Variants in MAPK11 observed in about 807,000 individuals in gnomAD.
The protein encoded by MAPK11 is mitogen-activated protein kinase 11.
A neutral mutation model predicts 52.2 loss-of-function variants in MAPK11; 44 were observed. That is an observed-to-expected ratio of 0.84 (90% confidence interval 0.66 to 1.08). The LOEUF (loss-of-function observed/expected upper bound fraction) is 1.08, where lower values mean the gene tolerates loss of function less well. MAPK11 is among the 50% of genes least tolerant of loss of function. The pLI, the probability that MAPK11 is intolerant of heterozygous loss-of-function variation, is 0.00. For missense variants in MAPK11, 436 were observed against 494.7 expected, an observed-to-expected ratio of 0.88 and a Z score of 1.13; for synonymous variants, 233 against 206.3, an observed-to-expected ratio of 1.13 and a Z score of -1.11.
At position 50,270,062 on chromosome 22, in the gene MAPK11, G is replaced by A. The variant is rs2147273590; in HGVS notation, c.116+115C>T. On this transcript the variant is annotated intron_variant, in intron 1 of 11. Coordinates refer to ENST00000330651, the MANE Select transcript of MAPK11 (RefSeq NM_002751.7). This position sits in a 1 kb window ranked among gnomAD's most constrained non-coding sequence, Gnocchi z 6.3. ...TCCTCAGATCCGCTTGGCGCCCGGG[G>A]GCGGAGGCAGGGCGAGGCCCCTCCC... 2.5e-6 allele frequency: 1 copy of A among 393,732 alleles called. No individual in the cohort carries two copies. Among genetic ancestry groups the A allele is most frequent in the East Asian group, 4.1e-5 (1 of 24,362 alleles). The allele number at this position is 393,732 out of a possible 1,614,324, so 24.4% of individuals were successfully genotyped here. A position where few individuals can be genotyped will look rare whatever the true frequency, so the allele number is the denominator to read the frequency against.
Position 50,266,159 on chromosome 22 carries a change from C to T in MAPK11, c.762+67G>A, listed in dbSNP as rs2065260243. The T allele has an allele frequency of 5.3e-6, 7 of 1,323,762 alleles. 1 individual carries two copies. In the South Asian group the frequency reaches 8.1e-5, roughly 15 times the overall value. The allele number at this position is 1,323,762 out of a possible 1,614,324, so 82.0% of individuals were successfully genotyped here. On this transcript the variant is annotated intron_variant, in intron 9 of 11. Coordinates refer to ENST00000330651, the MANE Select transcript of MAPK11 (RefSeq NM_002751.7). ...ATGGTCCCCGCATTTCCACACCACCCTCTCCCCCAGAGAGCCTGGGGGCTC... is the reference window on the plus strand; with the variant it reads ...ATGGTCCCCGCATTTCCACACCACCTTCTCCCCCAGAGAGCCTGGGGGCTC...
Position 50,267,255 on chromosome 22 carries a change from A to G in MAPK11, c.447+2T>C. The G allele has an allele frequency of 6.2e-7, 1 of 1,606,464 alleles. No homozygotes were observed. Among genetic ancestry groups the G allele is most frequent in the South Asian group, 1.1e-5 (1 of 90,310 alleles). On this transcript the variant is annotated splice_donor_variant, in intron 5 of 11. Coordinates refer to ENST00000330651, the MANE Select transcript of MAPK11 (RefSeq NM_002751.7). LOFTEE classifies it high-confidence loss of function. The stretch of plus-strand genomic sequence containing the variant: ...CGACCCTCACCCTGCGGTCGCACCT[A>G]CCCGGTGGATGATCCCGGCCGAGTG...
chr22:50,265,667 G>A lies in MAPK11; in HGVS notation c.763-7C>T. 1 of 1,533,960 alleles carries A rather than the reference G, an allele frequency of 6.5e-7. No homozygotes were observed. The highest frequency in any genetic ancestry group is 8.8e-7 in the Non-Finnish European group (1 of 1,130,844). On this transcript the variant is annotated splice_region_variant and splice_polypyrimidine_tract_variant and intron_variant, in intron 9 of 11. Transcript: ENST00000330651. ...ACTGGATATATGTCCGGGCCTGGGG[G>A]CACACAAGAACACCTGGGGAGGCTG...
At chr22:50,267,524 C>G in intron 3 of MAPK11, 42 bp from the exon 4 acceptor site, 1 of 1,561,414 alleles carries the variant, frequency 6.4e-7, no homozygotes, top group Non-Finnish European at 8.7e-7. Flanking sequence ...CCCACCGCCC[C>G]ACCGCGAACG....
At chr22:50,268,974 A>G (rs2147272474) in intron 1 of MAPK11, among the ~76,000 whole-genome samples, 1 of 152,280 alleles carries the variant, frequency 6.6e-6, no homozygotes, top group East Asian at 1.9e-4. Context: ...CGGTCAGGTG[A>G]CAGGGAATTG....
rs2065245618 is a variant in MAPK11, at chr22:50,264,313, G to C, written c.*635C>G. On this transcript the variant is annotated 3_prime_UTR_variant, in exon 12 of 12. Coordinates refer to ENST00000330651, the MANE Select transcript of MAPK11 (RefSeq NM_002751.7). ...ATGTGCCCTGACATATGAACACGGG[G>C]AGTGCACGCTCATCCACACGTGCCC... The C allele has an allele frequency of 6.6e-6, 1 of 152,436 alleles. No homozygotes were observed. The highest frequency in any genetic ancestry group is 6.5e-5 in the Admixed American group (1 of 15,308). 9.4% of individuals were successfully genotyped at this position (152,436 alleles called of 1,614,324 possible). A position where few individuals can be genotyped will look rare whatever the true frequency, so the allele number is the denominator to read the frequency against.
intron 5 of MAPK11, 26 bp downstream of exon 5, chr22:50,267,231 G>A (rs9617129): frequency 1.9e-6 from 3 of 1,608,382 alleles, no homozygotes; most frequent in Admixed American, 1.7e-5. Context: ...TGCTGGACCC[G>A]ACCCTCACCC....
rs373129634 is a variant in MAPK11, at chr22:50,264,943, G to C, written c.*5C>G. The stretch of plus-strand genomic sequence containing the variant: ...ACAGGCTCTCAGGGGCTGCTGGGCA[G>C]CACCTCACTGCTCAATCTCCAGGCT... On this transcript the variant is annotated 3_prime_UTR_variant, in exon 12 of 12. Coordinates refer to ENST00000330651, the MANE Select transcript of MAPK11 (RefSeq NM_002751.7). 4.2e-5 allele frequency: 68 copies of C among 1,608,380 alleles called. No individual in the cohort carries two copies. The highest frequency in any genetic ancestry group is 5.6e-5 in the Non-Finnish European group (66 of 1,177,852).
chr22:50,265,140 G>GAA, intron 11 of MAPK11, 113 bp from the exon 12 acceptor site: 1 of 1,051,834 alleles, frequency 9.5e-7, no homozygotes, highest in East Asian at 2.6e-5. Context: ...AGCAGCCTCA[G>GAA]CACAGTCTGG....
chr22:50,265,630 TG>T lies in MAPK11; in HGVS notation c.792del (p.Met265CysfsTer6). On this transcript the variant is annotated frameshift_variant, in exon 10 of 12. Transcript: ENST00000330651. LOFTEE classifies it high-confidence loss of function. ...ATGCTGCTCAGGTCCTTCTGGGGCA[TG>T]GGGGGCAGGGACTGGATATATGTCC... ...HARTYIQSLP[P>X]MPQKDLSSIF... 1 of 1,601,468 alleles carries T rather than the reference TG, an allele frequency of 6.2e-7. No homozygotes were observed.
chr22:50,265,340 G>T lies in MAPK11; in HGVS notation c.996C>A (p.Arg332=). ...GCTCACCCTTCCACTCCTCCAGCGT[G>T]CGCTCCTTGGCCTCAACGCTCTCAT... ...PYDESVEAKE[R]TLEEWKELTY... The change falls in exon 11 of 12, where the codon CGC becomes CGA. Residue 332 remains arginine (R), a synonymous_variant. Coordinates refer to ENST00000330651, the MANE Select transcript of MAPK11 (RefSeq NM_002751.7). The T allele has an allele frequency of 6.2e-7, 1 of 1,613,222 alleles. No individual in the cohort carries two copies. The highest frequency in any genetic ancestry group is 8.5e-7 in the Non-Finnish European group (1 of 1,179,986).
At position 50,267,704 on chromosome 22, in the gene MAPK11, T is replaced by G. The variant is rs998240572; in HGVS notation, c.247-77A>C. 4.9e-6 allele frequency: 7 copies of G among 1,438,014 alleles called. No homozygotes were observed. In the South Asian group the frequency reaches 7.0e-5, roughly 14 times the overall value. The allele number at this position is 1,438,014 out of a possible 1,614,324, so 89.1% of individuals were successfully genotyped here. Reference sequence around the variant, plus strand: ...AGCTCCCCCCGGGCCACGCCCCCAGTGCCAGGCCGCGCCCCCTGTGTCCCC... The same window carrying G: ...AGCTCCCCCCGGGCCACGCCCCCAGGGCCAGGCCGCGCCCCCTGTGTCCCC... On this transcript the variant is annotated intron_variant, in intron 2 of 11. Transcript: ENST00000330651.
chr22:50,266,540 A>T lies in MAPK11; in HGVS notation c.682T>A (p.Tyr228Asn). 6.6e-7 allele frequency: 1 copy of T among 1,517,884 alleles called. No individual in the cohort carries two copies. The highest frequency in any genetic ancestry group is 8.8e-7 in the Non-Finnish European group (1 of 1,134,244). The allele number at this position is 1,517,884 out of a possible 1,614,324, so 94.0% of individuals were successfully genotyped here. Residue 228 changes from tyrosine to asparagine, a missense_variant and splice_region_variant, in exon 8 of 12, where the codon TAC becomes AAC. Coordinates refer to ENST00000330651, the MANE Select transcript of MAPK11 (RefSeq NM_002751.7). ...QGKALFPGSD[Y>N]IDQLKRIMEV... Reference sequence around the variant, plus strand: ...GCTCCCCAACCTGGGCCAAGGATACAGTCGCTTCCCGGGAAGAGGGCCTTG... The same window carrying T: ...GCTCCCCAACCTGGGCCAAGGATACTGTCGCTTCCCGGGAAGAGGGCCTTG...
In MAPK11 at chr22:50,270,284, G is replaced by A. The variant is rs2147273956; in HGVS notation, c.9C>T (p.Gly3=). 5 of 1,392,544 alleles carry A rather than the reference G, an allele frequency of 3.6e-6. No homozygotes were observed. The African/African-American group carries it at 6.0e-5, about 17-fold the overall frequency. The allele number at this position is 1,392,544 out of a possible 1,614,324, so 86.3% of individuals were successfully genotyped here. The change falls in exon 1 of 12, where the codon GGC becomes GGT. Residue 3 remains glycine (G), a synonymous_variant. Coordinates refer to ENST00000330651, the MANE Select transcript of MAPK11 (RefSeq NM_002751.7). This position sits in a 1 kb window ranked among gnomAD's most constrained non-coding sequence, Gnocchi z 6.3. The part of the protein sequence containing the change: MS[G]PRAGFYRQEL... ...CCTGCCGGTAGAAGCCGGCGCGAGG[G>A]CCCGACATGTCCGGAGCAGCCGCCG...
intron 1 of MAPK11, among the ~76,000 whole-genome samples, chr22:50,269,798 C>T (rs919669325): frequency 1.3e-5 from 2 of 152,170 alleles, no homozygotes; most frequent in African/African-American, 4.8e-5. Flanking sequence ...CCCCGGGGGG[C>T]TGCCTGACCC....
intron 1 of MAPK11, among the ~76,000 whole-genome samples, chr22:50,269,684 G>A (rs1316475578): frequency 6.6e-6 from 1 of 152,194 alleles, no homozygotes; most frequent in Non-Finnish European, 1.5e-5. Flanking sequence ...GTCTGAGGGG[G>A]AGTCTGAGGC....
At chr22:50,268,780 C>T (rs1238460828) in intron 1 of MAPK11, among the ~76,000 whole-genome samples, 1 of 152,196 alleles carries the variant, frequency 6.6e-6, no homozygotes, top group Non-Finnish European at 1.5e-5. Context: ...TGAGGCCACC[C>T]CCCATGCCCA....
chr22:50,266,941 G>T lies in MAPK11; in HGVS notation c.603C>A (p.Asn201Lys), dbSNP rs775827348. 1.2e-6 allele frequency: 2 copies of T among 1,609,710 alleles called. No individual in the cohort carries two copies. Among genetic ancestry groups the T allele is most frequent in the Non-Finnish European group, 1.7e-6 (2 of 1,179,780 alleles). ...PEIMLNWMHY[N>K]QTVDIWSVGC... Reference sequence around the variant, plus strand: ...AAGGCCTTCCCCCTGCACCTGTTTGGTTGTAATGCATCCAGTTGAGCATGA... The same window carrying T: ...AAGGCCTTCCCCCTGCACCTGTTTGTTTGTAATGCATCCAGTTGAGCATGA... Residue 201 changes from asparagine to lysine, a missense_variant, in exon 7 of 12, where the codon AAC (asparagine) becomes AAA (lysine). By Grantham distance (94) the Asn-to-Lys change is moderately conservative (BLOSUM62 0). Coordinates refer to ENST00000330651, the MANE Select transcript of MAPK11 (RefSeq NM_002751.7).
At chr22:50,268,833 C>T (rs2065286488) in intron 1 of MAPK11, among the ~76,000 whole-genome samples, 1 of 152,216 alleles carries the variant, frequency 6.6e-6, no homozygotes, top group South Asian at 2.1e-4. Flanking sequence ...CTGGGATGCT[C>T]ATGGGCGCAG....
Sources: allele counts gnomAD v4.1 joint callset (sites outside exome capture counted in the v4.1 genomes callset), GRCh38; gene constraint gnomAD v4.1.1; non-coding constraint Gnocchi (gnomAD v3.1); transcripts MANE v1.5; gene names NCBI Gene and HGNC (gene_info 2026-07-23, HGNC 2026-07-21).